The following FER1L6 variants were observed in gnomAD, a reference collection of about 807,000 sequenced individuals.
The protein encoded by FER1L6 is fer-1-like protein 6.
FER1L6 carries 177 observed loss-of-function variants against 219.2 expected under a neutral mutation model. The ratio of observed to expected loss-of-function variants is 0.81; its 90% CI spans 0.71 to 0.91. The LOEUF (loss-of-function observed/expected upper bound fraction) is 0.91. Ranked by LOEUF, FER1L6 falls within the 40% of genes least tolerant of loss-of-function variation. The pLI is 0.00. For missense variants in FER1L6, 2,153 were observed against 2,259.9 expected (o/e 0.95, Z 0.96); for synonymous variants, 768 against 824.3 (o/e 0.93, Z 1.17).
intron 14 of FER1L6, among the ~76,000 whole-genome samples, chr8:124,013,145 C>T (rs1818019507): frequency 6.6e-6 from 1 of 152,112 alleles, no homozygotes. Context: ...AGGGTAGATT[C>T]TAAATAAATG....
At chr8:123,938,728 A>G (rs1350390383) in intron 1 of FER1L6, among the ~76,000 whole-genome samples, 1 of 151,660 alleles carries the variant, frequency 6.6e-6, no homozygotes, top group African/African-American at 2.4e-5. Context: ...TTGTGTTTTT[A>G]GTAGAGATGG....
chr8:124,106,735 G>A (rs1181402519), intron 39 of FER1L6, among the ~76,000 whole-genome samples: 1 of 152,100 alleles, frequency 6.6e-6, no homozygotes, highest in Non-Finnish European at 1.5e-5. Context: ...TGTATCTCTT[G>A]ACACACTGAT....
intron 1 of FER1L6, among the ~76,000 whole-genome samples, chr8:123,901,136 CT>C (rs527821876): frequency 5.8e-4 from 89 of 152,166 alleles, no homozygotes; most frequent in African/African-American, 2.0e-3. Flanking sequence ...TGGTCCGGGA[CT>C]TTTTTTGTTG....
Position 124,097,253 on chromosome 8 carries a change from ATTT to A in FER1L6, c.4696-12_4696-10del. 5 of 1,598,738 alleles carry A rather than the reference ATTT, an allele frequency of 3.1e-6. No homozygotes were observed. The highest frequency in any genetic ancestry group is 4.3e-6 in the Non-Finnish European group (5 of 1,166,886). On this transcript the variant is annotated splice_polypyrimidine_tract_variant and intron_variant, in intron 35 of 40. Transcript: ENST00000522917. ...GCCCCCTCCCAAAGCTAAAGAAGATATTTTTTTTCTTAACAAGGGCCGCCTGCA... is the reference window on the plus strand; with the variant it reads ...GCCCCCTCCCAAAGCTAAAGAAGATATTTTTCTTAACAAGGGCCGCCTGCA...
At chr8:123,951,906 A>G (rs1433165712) in intron 1 of FER1L6, among the ~76,000 whole-genome samples, 2 of 152,146 alleles carry the variant, frequency 1.3e-5, no homozygotes, top group Non-Finnish European at 2.9e-5. Flanking sequence ...TGCTGTTGAC[A>G]CAAGTAACTT....
chr8:124,106,349 A>C (rs1221021809), intron 39 of FER1L6, among the ~76,000 whole-genome samples: 5 of 150,228 alleles, frequency 3.3e-5, no homozygotes, highest in Non-Finnish European at 7.4e-5. Flanking sequence ...AAAAAAAAAA[A>C]AAAAAAAAAA....
At chr8:123,873,892 C>A (rs753785725) in intron 1 of FER1L6, among the ~76,000 whole-genome samples, 11 of 152,202 alleles carry the variant, frequency 7.2e-5, no homozygotes, top group Admixed American at 1.3e-4. Flanking sequence ...CTGAATCCAA[C>A]AATTATTTAC....
chr8:124,059,254 G>A (rs1820447203), intron 22 of FER1L6, among the ~76,000 whole-genome samples: 1 of 152,140 alleles, frequency 6.6e-6, no homozygotes, highest in Non-Finnish European at 1.5e-5. Flanking sequence ...AGCTTGATGG[G>A]TCATCTGGCC....
chr8:124,118,887 C>T lies in FER1L6; in HGVS notation c.5333C>T (p.Ala1778Val). 1.2e-6 allele frequency: 2 copies of T among 1,614,008 alleles called. No homozygotes were observed. Among genetic ancestry groups the T allele is most frequent in the Non-Finnish European group, 1.7e-6 (2 of 1,179,950 alleles). The stretch of plus-strand genomic sequence containing the variant: ...TTCCACCTAGTTACAGCAGAAGAAG[C>T]TGAGAAAAATCCTGTTGGAAAAGCC... ...AEFHLVTAEEAEKNPVGKARK... is the reference protein window; with the variant it reads ...AEFHLVTAEEVEKNPVGKARK... Residue 1778 changes from alanine (A) to valine (V), a missense_variant, in exon 40 of 41, where the codon GCT becomes GTT. Coordinates refer to ENST00000522917, the MANE Select transcript of FER1L6 (RefSeq NM_001039112.2).
chr8:124,004,966 C>A (rs1420073647), intron 13 of FER1L6, among the ~76,000 whole-genome samples: 1 of 151,332 alleles, frequency 6.6e-6, no homozygotes, highest in South Asian at 2.1e-4. Flanking sequence ...CCACTGCACT[C>A]CAGCCTGGGC....
chr8:123,923,580 T>C (rs748527661), intron 1 of FER1L6, among the ~76,000 whole-genome samples: 16 of 152,172 alleles, frequency 1.1e-4, no homozygotes, highest in Non-Finnish European at 1.9e-4. Flanking sequence ...AATTTAAGCA[T>C]AGTGATGATG....
At chr8:124,116,997 T>C (rs941473179) in intron 39 of FER1L6, among the ~76,000 whole-genome samples, 10 of 152,140 alleles carry the variant, frequency 6.6e-5, no homozygotes, top group African/African-American at 1.2e-4. Flanking sequence ...ACGAATACCA[T>C]TGGATGGTGA....
intron 6 of FER1L6, among the ~76,000 whole-genome samples, chr8:123,971,783 C>A (rs893622502): frequency 1.5e-4 from 23 of 152,258 alleles, no homozygotes; most frequent in Non-Finnish European, 2.8e-4. Flanking sequence ...GGACAGCCAG[C>A]CTGTAACACA....
chr8:124,102,324 T>G (rs1822580800), intron 38 of FER1L6, among the ~76,000 whole-genome samples: 1 of 152,154 alleles, frequency 6.6e-6, no homozygotes, highest in Non-Finnish European at 1.5e-5. Flanking sequence ...ATTAAAAATA[T>G]GGGAATATCT....
chr8:123,994,470 C>T lies in FER1L6; in HGVS notation c.1519+8294C>T, dbSNP rs1033974515. ...GTGGGGGGTAGCATGCAGCAGTAAG[C>T]CCCACCCAGCTCCTACACATTGGCG... On this transcript the variant is annotated intron_variant, in intron 12 of 40. Transcript: ENST00000522917. 3.3e-5 allele frequency among the ~76,000 whole-genome samples: 5 copies of T among 152,298 alleles called. No individual in the cohort carries two copies. The East Asian group carries it at 9.7e-4, about 29-fold the overall frequency.
chr8:124,061,876 C>A lies in FER1L6; in HGVS notation c.3172C>A (p.His1058Asn). ...GGAACTGCCTGAGAACGAGCTTCTG[C>A]ACCCGCCACTGAGCATCTGCGTGGT... The part of the protein sequence containing the change: ...EVELPENELL[H>N]PPLSICVVDW... Residue 1058 changes from histidine (H) to asparagine (N), a missense_variant, in exon 25 of 41, where the codon CAC becomes AAC. His to Asn is a moderately conservative substitution (Grantham distance 68). Coordinates refer to ENST00000522917, the MANE Select transcript of FER1L6 (RefSeq NM_001039112.2). The A allele has an allele frequency of 6.2e-7, 1 of 1,613,872 alleles. No individual in the cohort carries two copies. The highest frequency in any genetic ancestry group is 1.1e-5 in the South Asian group (1 of 91,046).
intron 6 of FER1L6, among the ~76,000 whole-genome samples, chr8:123,971,834 A>AAG (rs1815832098): frequency 1.3e-5 from 2 of 152,226 alleles, no homozygotes; most frequent in African/African-American, 4.8e-5. Context: ...CTCAGTGGCC[A>AAG]AGGCATGCAG....
chr8:123,954,188 C>G (rs1378550815), intron 1 of FER1L6, among the ~76,000 whole-genome samples: 10 of 152,136 alleles, frequency 6.6e-5, no homozygotes, highest in Non-Finnish European at 1.5e-5. Flanking sequence ...GGGTCCTGTT[C>G]ACATCTGGGT....
At chr8:123,982,284 A>C (rs939771619) in intron 11 of FER1L6, among the ~76,000 whole-genome samples, 29 of 152,086 alleles carry the variant, frequency 1.9e-4, no homozygotes, top group Non-Finnish European at 2.6e-4. Context: ...ATTCTTTTCT[A>C]AACAAGGATT....
Sources: allele counts gnomAD v4.1 joint callset (sites outside exome capture counted in the v4.1 genomes callset), GRCh38; gene constraint gnomAD v4.1.1; transcripts MANE v1.5; gene names NCBI Gene and HGNC (gene_info 2026-07-23, HGNC 2026-07-21).